MYH13: variants seen among roughly 807,000 people sequenced by gnomAD.
MYH13 encodes the protein myosin-13.
A neutral mutation model predicts 232.1 loss-of-function variants in MYH13; 177 were observed. The observed-to-expected ratio is 0.76, with a 90% CI of 0.67 to 0.86. The LOEUF (loss-of-function observed/expected upper bound fraction) is 0.86, where lower values mean the gene tolerates loss of function less well. MYH13 is among the 40% of genes least tolerant of loss of function. MYH13 has a pLI of 0.00. For synonymous variants in MYH13, 884 were observed against 923.5 expected (o/e 0.96, Z 0.78); for missense variants, 2,246 against 2,405.9 (o/e 0.93, Z 1.39).
chr17:10,347,799 A>G (rs1300791327), intron 12 of MYH13, among the ~76,000 whole-genome samples: 1 of 144,888 alleles, frequency 6.9e-6, no homozygotes, highest in Non-Finnish European at 1.5e-5. Flanking sequence ...GCTCACTGCA[A>G]GCTCCGCCTC....
chr17:10,340,296 CA>C, intron 17 of MYH13, 31 bp downstream of exon 17: 1 of 1,613,682 alleles, frequency 6.2e-7, no homozygotes, highest in South Asian at 1.1e-5. Flanking sequence ...GGGAGAAAAA[CA>C]AGTGAATATG....
intron 8 of MYH13, 31 bp from the exon 9 acceptor site, chr17:10,355,178 G>A (rs1184364132): frequency 6.4e-7 from 1 of 1,553,394 alleles, no homozygotes; most frequent in South Asian, 1.2e-5. Flanking sequence ...AAATGTTACG[G>A]TTATTTGATT....
chr17:10,364,766 T>TTA (rs1555552866), intron 2 of MYH13, among the ~76,000 whole-genome samples: 1 of 152,032 alleles, frequency 6.6e-6, no homozygotes, highest in African/African-American at 2.4e-5. Context: ...TTTTTTTTTT[T>TTA]ATCCTCTGAG....
intron 8 of MYH13, among the ~76,000 whole-genome samples, chr17:10,357,220 C>G (rs928087115): frequency 1.3e-5 from 2 of 152,172 alleles, no homozygotes; most frequent in Non-Finnish European, 2.9e-5. Flanking sequence ...CCTCAGCCTC[C>G]CAAAGTGCTG....
chr17:10,354,650 C>T, intron 11 of MYH13, 30 bp downstream of exon 11: 1 of 1,579,866 alleles, frequency 6.3e-7, no homozygotes, highest in Non-Finnish European at 8.7e-7. Flanking sequence ...TAATTCTGTG[C>T]ATAAACAGAC....
intron 21 of MYH13, among the ~76,000 whole-genome samples, 165 bp downstream of exon 21, chr17:10,330,222 C>A (rs79079816): frequency 6.6e-6 from 1 of 152,056 alleles, no homozygotes; most frequent in African/African-American, 2.4e-5. Context: ...GTCTCCCCAG[C>A]GCCATGCAGA....
intron 33 of MYH13, 119 bp from the exon 34 acceptor site, chr17:10,309,949 T>TC (rs1906447912): frequency 1.2e-6 from 1 of 820,914 alleles, no homozygotes; most frequent in East Asian, 3.3e-5. Context: ...AATTTAAATT[T>TC]TTTTTTTTTT....
Position 10,364,189 on chromosome 17 carries a change from T to G in MYH13, c.204+138A>C, listed in dbSNP as rs552582791. On this transcript the variant is annotated intron_variant, in intron 3 of 40. Transcript: ENST00000252172. Reference sequence around the variant, plus strand: ...GCATGTAATAGCAGCTTTCATCTGCTACTTCACCGCAGAACAGATAAACTA... The same window carrying G: ...GCATGTAATAGCAGCTTTCATCTGCGACTTCACCGCAGAACAGATAAACTA... The G allele has an allele frequency of 9.1e-6, 8 of 877,720 alleles. No homozygotes were observed. In the East Asian group the frequency reaches 2.1e-4, roughly 23 times the overall value. 54.4% of individuals were successfully genotyped at this position (877,720 alleles called of 1,614,324 possible). A position where few individuals can be genotyped will look rare whatever the true frequency, so the allele number is the denominator to read the frequency against.
chr17:10,308,945 C>T (rs1906389416), intron 35 of MYH13, among the ~76,000 whole-genome samples: 1 of 152,198 alleles, frequency 6.6e-6, no homozygotes, highest in Non-Finnish European at 1.5e-5. Flanking sequence ...ATAGTACTTC[C>T]AGGTGCCTTA....
chr17:10,371,669 G>T (rs979987349), intron 1 of MYH13, among the ~76,000 whole-genome samples: 1 of 152,168 alleles, frequency 6.6e-6, no homozygotes, highest in Non-Finnish European at 1.5e-5. Flanking sequence ...GGAACTTAGA[G>T]AAACCGCTTC....
rs1264254187 is a variant in MYH13, at chr17:10,312,602, A to G, written c.4337T>C (p.Leu1446Pro). ...LERSHTACAT[L>P]DKKQRNFDKV... Reference sequence around the variant, plus strand: ...GTCGAAGTTCCTCTGCTTCTTGTCCAGTGTGGCACAGGCGGTGTGGGAGCG... The same window carrying G: ...GTCGAAGTTCCTCTGCTTCTTGTCCGGTGTGGCACAGGCGGTGTGGGAGCG... Residue 1446 changes from leucine to proline, a missense_variant, in exon 31 of 41, where the codon CTG becomes CCG. By Grantham distance (98) the Leu-to-Pro change is moderately conservative. Coordinates refer to ENST00000252172, the MANE Select transcript of MYH13 (RefSeq NM_003802.3). The G allele has an allele frequency of 6.2e-7, 1 of 1,613,092 alleles. No individual in the cohort carries two copies. Among genetic ancestry groups the G allele is most frequent in the East Asian group, 2.2e-5 (1 of 44,878 alleles).
intron 27 of MYH13, 44 bp downstream of exon 27, chr17:10,318,746 C>G: frequency 1.2e-6 from 2 of 1,607,366 alleles, no homozygotes; most frequent in Non-Finnish European, 1.7e-6. Context: ...AGGTGGCCGT[C>G]GGCTGCCTTG....
Position 10,309,700 on chromosome 17 carries a change from C to A in MYH13, c.4787G>T (p.Arg1596Leu). Residue 1596 changes from arginine to leucine, a missense_variant, in exon 34 of 41, where the codon CGG becomes CTG. Coordinates refer to ENST00000252172, the MANE Select transcript of MYH13 (RefSeq NM_003802.3). ...CACGCTCTGCAGGGCCTCTGCTGCC[C>A]GCTGGCTGTTTCTTTTTAGCTGCTC... ...EIEQLKRNSQRAAEALQSVLD... is the reference protein window; with the variant it reads ...EIEQLKRNSQLAAEALQSVLD... The A allele has an allele frequency of 6.2e-7, 1 of 1,607,242 alleles. No individual in the cohort carries two copies. The highest frequency in any genetic ancestry group is 2.2e-5 in the East Asian group (1 of 44,612).
At chr17:10,366,944 G>A (rs944609626) in intron 2 of MYH13, among the ~76,000 whole-genome samples, 20 of 152,196 alleles carry the variant, frequency 1.3e-4, no homozygotes, top group African/African-American at 4.8e-4. Context: ...TGAACCATCT[G>A]TGGGTTCATG....
intron 30 of MYH13, 116 bp downstream of exon 30, chr17:10,313,042 T>G: frequency 1.3e-6 from 2 of 1,500,660 alleles, no homozygotes; most frequent in Non-Finnish European, 1.8e-6. Context: ...ACAATCCGAG[T>G]GTTTCAGAAA....
In MYH13 at chr17:10,306,447, C is replaced by A. The variant is rs1906287862; in HGVS notation, c.5466+12G>T. 1.2e-6 allele frequency: 2 copies of A among 1,613,942 alleles called. No individual in the cohort carries two copies. Among genetic ancestry groups the A allele is most frequent in the Admixed American group, 3.3e-5 (2 of 59,992 alleles). ...GTCACTTTCAGAGTAACAGTCCTCTCAAAAACTCTACCCGGTTCTCCAGTT... is the reference window on the plus strand; with the variant it reads ...GTCACTTTCAGAGTAACAGTCCTCTAAAAAACTCTACCCGGTTCTCCAGTT... On this transcript the variant is annotated intron_variant, in intron 37 of 40. Coordinates refer to ENST00000252172, the MANE Select transcript of MYH13 (RefSeq NM_003802.3). The surrounding 1 kb of genome is among the most constrained non-coding windows in gnomAD (Gnocchi z 4.3).
At chr17:10,361,314 G>A (rs1324873031) in intron 5 of MYH13, among the ~76,000 whole-genome samples, 4 of 144,150 alleles carry the variant, frequency 2.8e-5, no homozygotes, top group African/African-American at 1.0e-4. Flanking sequence ...TTTTTGAGAC[G>A]GAGTTTTGCT....
Position 10,333,686 on chromosome 17 carries a change from C to G in MYH13, c.2057-495G>C, listed in dbSNP as rs972002940. ...CTTTGGGAGGCCGAGGTGGGTGTAT[C>G]GCCTGAGGTCAGGAGCTCGAGACCA... On this transcript the variant is annotated intron_variant, in intron 18 of 40. Transcript: ENST00000252172. Among the ~76,000 whole-genome samples, 3 of 152,282 alleles carry G rather than the reference C, an allele frequency of 2.0e-5. No individual in the cohort carries two copies. In the Middle Eastern group the frequency reaches 0.01, roughly 518 times the overall value.
At chr17:10,342,547 G>A (rs4791979) in intron 16 of MYH13, among the ~76,000 whole-genome samples, 118,439 of 152,154 alleles carry the variant, frequency 0.78, 46,613 homozygotes, top group East Asian at 0.88. Context: ...ACAGTAGCCA[G>A]AAAGTTCATC....
Sources: gnomAD v4.1 joint callset for allele counts (sites outside exome capture counted in the v4.1 genomes callset) on GRCh38, gnomAD v4.1.1 for gene constraint, Gnocchi (gnomAD v3.1) non-coding constraint, MANE v1.5 for transcripts, NCBI Gene and HGNC (gene_info 2026-07-23, HGNC 2026-07-21) for gene names.